SHB: variants seen among roughly 807,000 people sequenced by gnomAD.
SHB encodes the protein SH2 domain containing adaptor protein B, also known as SH2 domain-containing adapter protein B.
SHB carries 20 observed loss-of-function variants against 52.3 expected under a neutral mutation model. The observed-to-expected ratio is 0.38, with a 90% confidence interval of 0.27 to 0.56. The LOEUF (loss-of-function observed/expected upper bound fraction) is 0.56, where lower values mean the gene tolerates loss of function less well. Among genes scored for constraint, SHB ranks in the 20% least tolerant of loss-of-function variants. The pLI is 0.71. For missense variants in SHB, 825 were observed against 723.3 expected, an observed-to-expected ratio of 1.14 and a Z score of -1.61; for synonymous variants, 397 against 316.5, an observed-to-expected ratio of 1.25 and a Z score of -2.70.
rs1214798232 is a variant in SHB, at chr9:38,068,260, G to C, written c.386C>G (p.Ser129Trp). Residue 129 changes from serine (S) to tryptophan (W), a missense_variant, in exon 1 of 6, where the codon TCG becomes TGG. Ser to Trp is a radical substitution (Grantham distance 177). Coordinates refer to ENST00000377707, the MANE Select transcript of SHB (RefSeq NM_003028.3). ...GEPGGVQRAFSASSASGAAGC... is the reference protein window; with the variant it reads ...GEPGGVQRAFWASSASGAAGC... ...CGCGGCGCCCGACGCGGACGAGGCC[G>C]AGAAGGCGCGCTGGACCCCGCCTGG... is the stretch of plus-strand genomic sequence containing the variant. The C allele has an allele frequency of 1.3e-5, 19 of 1,447,768 alleles. No individual in the cohort carries two copies. The highest frequency in any genetic ancestry group is 2.4e-4 in the Middle Eastern group (1 of 4,114). 89.7% of individuals were successfully genotyped at this position (1,447,768 alleles called of 1,614,324 possible).
chr9:38,035,997 T>C (rs1821481461), intron 1 of SHB, among the ~76,000 whole-genome samples: 1 of 152,044 alleles, frequency 6.6e-6, no homozygotes, highest in African/African-American at 2.4e-5. Context: ...CTCAGCATTA[T>C]CCCCAGTGAT....
intron 4 of SHB, among the ~76,000 whole-genome samples, chr9:37,951,636 C>T (rs1832567667): frequency 6.6e-6 from 1 of 152,244 alleles, no homozygotes; most frequent in African/African-American, 2.4e-5. Context: ...CTGCCATCCA[C>T]CCTCCCTGAG....
rs112858544 is a variant in SHB, at chr9:38,068,454, T to C, written c.192A>G (p.Ser64=). 21,271 of 1,531,428 alleles carry C rather than the reference T, an allele frequency of 0.014. 338 individuals are homozygous for C. Among genetic ancestry groups the C allele is most frequent in the African/African-American group, 0.084 (5,855 of 70,048 alleles). The allele number at this position is 1,531,428 out of a possible 1,614,324, so 94.9% of individuals were successfully genotyped here. The part of the protein sequence containing the change: ...SCGPATASCF[S]ASSGSLPDDS... The stretch of plus-strand genomic sequence containing the variant: ...CGTCGGGCAGCGAGCCCGAAGAGGC[T>C]GAGAAGCAGGAGGCGGTGGCCGGAC... The change falls in exon 1 of 6, where the codon TCA becomes TCG. Residue 64 remains serine (S), a synonymous_variant. Coordinates refer to ENST00000377707, the MANE Select transcript of SHB (RefSeq NM_003028.3).
chr9:37,986,095 T>G (rs1820803579), intron 2 of SHB, among the ~76,000 whole-genome samples: 1 of 152,110 alleles, frequency 6.6e-6, no homozygotes, highest in Non-Finnish European at 1.5e-5. Flanking sequence ...TAGGATTCAG[T>G]AAAACTTCAG....
chr9:37,998,697 C>T (rs1820978934), intron 2 of SHB, among the ~76,000 whole-genome samples: 1 of 152,240 alleles, frequency 6.6e-6, no homozygotes, highest in African/African-American at 2.4e-5. Context: ...AAGCTATGCA[C>T]CCTCCTCGGC....
At chr9:37,938,903 G>T (rs1255823682) in intron 5 of SHB, among the ~76,000 whole-genome samples, 3 of 152,186 alleles carry the variant, frequency 2.0e-5, no homozygotes, top group Non-Finnish European at 2.9e-5. Context: ...CATTGGGAAG[G>T]GGGAAGCTGA....
intron 1 of SHB, among the ~76,000 whole-genome samples, chr9:38,051,627 C>T (rs768462129): frequency 1.3e-5 from 2 of 152,142 alleles, no homozygotes; most frequent in African/African-American, 2.4e-5. Flanking sequence ...ATGACACCAA[C>T]TCCCACCATC....
At chr9:38,064,154 G>A (rs1373722779) in intron 1 of SHB, among the ~76,000 whole-genome samples, 3 of 149,700 alleles carry the variant, frequency 2.0e-5, no homozygotes, top group East Asian at 2.0e-4. Flanking sequence ...TTCCAGTTTC[G>A]TTTTCTCATC....
rs772601141 is a variant in SHB, at chr9:37,916,267, G to A, written c.*3554C>T. Among the ~76,000 whole-genome samples the A allele has an allele frequency of 2.1e-4, 32 of 152,360 alleles. No homozygotes were observed. Among genetic ancestry groups the A allele is most frequent in the South Asian group, 6.2e-4 (3 of 4,828 alleles). The stretch of plus-strand genomic sequence containing the variant: ...GTTGGCTGGACAGCTGCCTGATTCG[G>A]CCATGACCCTTCACGGGTGTCTGTG... On this transcript the variant is annotated 3_prime_UTR_variant, in exon 6 of 6. Coordinates refer to ENST00000377707, the MANE Select transcript of SHB (RefSeq NM_003028.3).
intron 1 of SHB, among the ~76,000 whole-genome samples, chr9:38,049,261 G>A (rs1228294671): frequency 3.9e-5 from 6 of 152,102 alleles, no homozygotes; most frequent in Non-Finnish European, 8.8e-5. Context: ...CTCCTGCCTC[G>A]GCCTCCCAAA....
chr9:37,996,891 A>C (rs549206805), intron 2 of SHB, among the ~76,000 whole-genome samples: 1 of 152,222 alleles, frequency 6.6e-6, no homozygotes, highest in African/African-American at 2.4e-5. Context: ...GTGACTCTCC[A>C]TATCTACCGG....
chr9:37,959,925 T>C (rs1832676396), intron 3 of SHB, among the ~76,000 whole-genome samples: 1 of 152,130 alleles, frequency 6.6e-6, no homozygotes, highest in African/African-American at 2.4e-5. Flanking sequence ...ACCGGCAACA[T>C]AACAGGTGCT....
In SHB at chr9:37,917,037, GAA is replaced by G. The variant is rs200546962; in HGVS notation, c.*2782_*2783del. On this transcript the variant is annotated 3_prime_UTR_variant, in exon 6 of 6. Transcript: ENST00000377707. Reference sequence around the variant, plus strand: ...TTTCCCCAATTAATTGGCAGCAGATGAAAAAAAAAAAAAACAAACCCAAAACA... The same window carrying G: ...TTTCCCCAATTAATTGGCAGCAGATGAAAAAAAAAAAACAAACCCAAAACA... Among the ~76,000 whole-genome samples the G allele has an allele frequency of 8.3e-6, 1 of 119,950 alleles. No individual in the cohort carries two copies. Among genetic ancestry groups the G allele is most frequent in the Admixed American group, 8.7e-5 (1 of 11,468 alleles). 78.7% of individuals were successfully genotyped at this position (119,950 alleles called of 152,430 possible).
chr9:38,000,620 G>A (rs1173849550), intron 2 of SHB, among the ~76,000 whole-genome samples: 1 of 152,262 alleles, frequency 6.6e-6, no homozygotes, highest in Non-Finnish European at 1.5e-5. Context: ...CTGCAACGCT[G>A]GGCTAACCTG....
intron 5 of SHB, among the ~76,000 whole-genome samples, chr9:37,943,142 C>T (rs1048685175): frequency 9.2e-5 from 14 of 152,208 alleles, no homozygotes; most frequent in African/African-American, 3.4e-4. Context: ...CTTAGGCAAG[C>T]TCCGCCCTGC....
At position 37,955,980 on chromosome 9, in the gene SHB, G is replaced by A; in HGVS notation, c.1129C>T (p.Pro377Ser). ...TTGATAGGCTTAAAGCCCCCTCCAGGGGCACGAAGCTGGCGCCGCCGGTCC... is the reference window on the plus strand; with the variant it reads ...TTGATAGGCTTAAAGCCCCCTCCAGAGGCACGAAGCTGGCGCCGCCGGTCC... ...SRDRRRQLRA[P>S]GGGFKPIKHG... The change falls in exon 4 of 6, where the codon CCT (proline) becomes TCT (serine). Residue 377 changes from proline to serine, a missense_variant. Physicochemically the swap from Pro to Ser is moderately conservative, Grantham distance 74. Coordinates refer to ENST00000377707, the MANE Select transcript of SHB (RefSeq NM_003028.3). The A allele has an allele frequency of 6.2e-7, 1 of 1,606,606 alleles. No individual in the cohort carries two copies. The highest frequency in any genetic ancestry group is 2.2e-5 in the East Asian group (1 of 44,680).
At chr9:38,063,860 T>C (rs1467919956) in intron 1 of SHB, among the ~76,000 whole-genome samples, 1 of 151,918 alleles carries the variant, frequency 6.6e-6, no homozygotes, top group African/African-American at 2.4e-5. Flanking sequence ...GGAAAAAGTG[T>C]TATTTAACTC....
intron 5 of SHB, among the ~76,000 whole-genome samples, chr9:37,931,906 TA>T (rs762669784): frequency 5.7e-4 from 86 of 152,188 alleles, no homozygotes; most frequent in Non-Finnish European, 9.9e-4. Flanking sequence ...TATTCCGCCC[TA>T]AAAAAGATCT....
chr9:38,065,789 G>A (rs895322225), intron 1 of SHB, among the ~76,000 whole-genome samples: 1 of 152,098 alleles, frequency 6.6e-6, no homozygotes, highest in African/African-American at 2.4e-5. Context: ...AGCCTACAAG[G>A]TCCTCCCTGA....
Sources: gnomAD v4.1 joint callset for allele counts (sites outside exome capture counted in the v4.1 genomes callset) on GRCh38, gnomAD v4.1.1 for gene constraint, MANE v1.5 for transcripts, NCBI Gene and HGNC (gene_info 2026-07-23, HGNC 2026-07-21) for gene names.